The following CFAP36 variants were observed in gnomAD, a reference collection of about 807,000 sequenced individuals.
The protein encoded by CFAP36 is cilia- and flagella-associated protein 36.
A neutral mutation model predicts 50.5 loss-of-function variants in CFAP36; 37 were observed. That is an observed-to-expected ratio of 0.73 (90% CI 0.56 to 0.96). The LOEUF is 0.96. CFAP36 is among the 50% of genes least tolerant of loss of function. The pLI, the probability that CFAP36 is intolerant of heterozygous loss-of-function variation, is 0.00. For missense variants in CFAP36, 407 were observed against 396.2 expected (o/e 1.03, Z -0.23); for synonymous variants, 138 against 128.2 (o/e 1.08, Z -0.52).
At chr2:55,540,029 A>G (rs1306336659) in intron 7 of CFAP36, among the ~76,000 whole-genome samples, 2 of 152,160 alleles carry the variant, frequency 1.3e-5, no homozygotes, top group African/African-American at 4.8e-5. Context: ...TATATTTTGA[A>G]TAACAGTCCT....
chr2:55,536,615 TA>T (rs1684495570), intron 6 of CFAP36, among the ~76,000 whole-genome samples: 1 of 151,846 alleles, frequency 6.6e-6, no homozygotes, highest in South Asian at 2.1e-4. Context: ...CACGCCCAGC[TA>T]ATTTTTTGTA....
chr2:55,533,708 A>ATAT (rs60588706), intron 4 of CFAP36, among the ~76,000 whole-genome samples, 165 bp from the exon 5 acceptor site: 36 of 138,828 alleles, frequency 2.6e-4, no homozygotes, highest in Admixed American at 4.3e-4. Context: ...AAAAAAAAAA[A>ATAT]ATATATATAT....
chr2:55,532,143 A>C (rs1262162897), intron 4 of CFAP36, among the ~76,000 whole-genome samples: 2 of 151,926 alleles, frequency 1.3e-5, no homozygotes. Context: ...TTGAGGCTGC[A>C]GTGAGCTATG....
In CFAP36 at chr2:55,523,712, T is replaced by C; in HGVS notation, c.181-9T>C. ...ATGTAATTATAAAAGTTAAACTTTG[T>C]TTTTTTAGGTTGAAAAGCTGTTAGA... On this transcript the variant is annotated splice_polypyrimidine_tract_variant and intron_variant, in intron 2 of 9. Coordinates refer to ENST00000349456, the MANE Select transcript of CFAP36 (RefSeq NM_080667.7). The C allele has an allele frequency of 1.3e-6, 2 of 1,556,686 alleles. No individual in the cohort carries two copies. Among genetic ancestry groups the C allele is most frequent in the South Asian group, 1.2e-5 (1 of 84,958 alleles).
At chr2:55,544,695 T>C (rs955795418) in intron 9 of CFAP36, among the ~76,000 whole-genome samples, 6 of 152,274 alleles carry the variant, frequency 3.9e-5, no homozygotes, top group African/African-American at 4.8e-5. Context: ...GTACCACCTT[T>C]ATCATAGAGC....
At position 55,523,953 on chromosome 2, in the gene CFAP36, C is replaced by T. The variant is rs531823017; in HGVS notation, c.282+131C>T. ...CATTGTGAGAGGTAGAAAGATAATT[C>T]ATCACATATGAGTTCTTTTTGAGAG... is the stretch of plus-strand genomic sequence containing the variant. On this transcript the variant is annotated intron_variant, in intron 3 of 9. Transcript: ENST00000349456. 14 of 554,590 alleles carry T rather than the reference C, an allele frequency of 2.5e-5. No individual in the cohort carries two copies. The South Asian group carries it at 5.6e-4, about 22-fold the overall frequency. 34.4% of individuals were successfully genotyped at this position (554,590 alleles called of 1,614,324 possible).
intron 7 of CFAP36, among the ~76,000 whole-genome samples, chr2:55,542,138 C>T (rs1684653653): frequency 6.6e-6 from 1 of 152,148 alleles, no homozygotes; most frequent in Admixed American, 6.6e-5. Flanking sequence ...GTTTTATATA[C>T]ACCTAAGTAC....
chr2:55,530,803 G>A (rs12987272), intron 4 of CFAP36, among the ~76,000 whole-genome samples: 16,353 of 151,958 alleles, frequency 0.11, 1,093 homozygotes, highest in East Asian at 0.24. Flanking sequence ...TTTTTACCAC[G>A]GCCCATAACC....
At chr2:55,539,024 A>G in intron 7 of CFAP36, 4 of 976,426 alleles carry the variant, frequency 4.1e-6, no homozygotes, top group Non-Finnish European at 5.5e-6. Context: ...TCCCCCATAT[A>G]GTCCCTGCCC....
chr2:55,522,277 T>G (rs1197422773), intron 2 of CFAP36, 111 bp downstream of exon 2: 4 of 601,146 alleles, frequency 6.7e-6, no homozygotes, highest in Non-Finnish European at 1.1e-5. Context: ...TTTACAAAAA[T>G]CCAATCTACC....
intron 4 of CFAP36, among the ~76,000 whole-genome samples, chr2:55,533,610 G>A (rs901941337): frequency 4.0e-5 from 6 of 151,434 alleles, no homozygotes; most frequent in African/African-American, 1.2e-4. Flanking sequence ...CAGGAGAATC[G>A]CTTGAAGCTG....
At chr2:55,536,753 C>T (rs760027688) in intron 6 of CFAP36, among the ~76,000 whole-genome samples, 83 of 149,092 alleles carry the variant, frequency 5.6e-4, no homozygotes, top group Non-Finnish European at 1.0e-3. Context: ...AAAGTATATA[C>T]TTTTTTTTTG....
chr2:55,520,690 A>G (rs576637486), intron 1 of CFAP36, among the ~76,000 whole-genome samples: 42 of 152,342 alleles, frequency 2.8e-4, no homozygotes, highest in Non-Finnish European at 3.2e-4. Context: ...AAACCACGTC[A>G]TATAAATGAG....
rs1684416245 is a variant in CFAP36 at position 55,533,926 on chromosome 2, C to G, written c.451C>G (p.His151Asp). Residue 151 changes from histidine (H) to aspartate (D), a missense_variant, in exon 5 of 10, where the codon CAC becomes GAC. Coordinates refer to ENST00000349456, the MANE Select transcript of CFAP36 (RefSeq NM_080667.7). ...CTCTGATGTGGTCAGTGACCTTGAA[C>G]ACGAAGAGATGAAAATCCTGAGGGA... ...DGSDVVSDLE[H>D]EEMKILREVL... 1 of 1,610,894 alleles carries G rather than the reference C, an allele frequency of 6.2e-7. No homozygotes were observed. Among genetic ancestry groups the G allele is most frequent in the Non-Finnish European group, 8.5e-7 (1 of 1,178,128 alleles).
Position 55,519,724 on chromosome 2 carries a change from G to T in CFAP36, c.-78G>T. ...CCAGCTCTTCCCCTACTCCCTCTCG[G>T]CTCCTTGTGGCCCAAAGGCCTAACC... On this transcript the variant is annotated 5_prime_UTR_variant, in exon 1 of 10. Coordinates refer to ENST00000349456, the MANE Select transcript of CFAP36 (RefSeq NM_080667.7). The T allele has an allele frequency of 7.0e-7, 1 of 1,421,010 alleles. No homozygotes were observed. Among genetic ancestry groups the T allele is most frequent in the East Asian group, 2.3e-5 (1 of 43,900 alleles). 88.0% of individuals were successfully genotyped at this position (1,421,010 alleles called of 1,614,324 possible).
At chr2:55,523,917 A>T in intron 3 of CFAP36, 95 bp downstream of exon 3, 1 of 755,090 alleles carries the variant, frequency 1.3e-6, no homozygotes, top group Non-Finnish European at 2.1e-6. Flanking sequence ...GACAAAGTGT[A>T]ATATTTTAGA....
rs949359133 is a variant in CFAP36, at chr2:55,541,829, T to TA, written c.641-2107dup. On this transcript the variant is annotated intron_variant, in intron 7 of 9. Coordinates refer to ENST00000349456, the MANE Select transcript of CFAP36 (RefSeq NM_080667.7). ...AATTTCTCACCATTAAGTATTGTGT[T>TA]AAGTTTTAGAGTTTTTCGTACTCTT... Among the ~76,000 whole-genome samples, 6 of 93,934 alleles carry TA rather than the reference T, an allele frequency of 6.4e-5. 1 individual carries two copies. The highest frequency in any genetic ancestry group is 6.3e-4 in the Admixed American group (5 of 7,952). 61.6% of individuals were successfully genotyped at this position (93,934 alleles called of 152,430 possible).
chr2:55,537,511 C>A lies in CFAP36; in HGVS notation c.566C>A (p.Thr189Lys). 1 of 1,612,840 alleles carries A rather than the reference C, an allele frequency of 6.2e-7. No homozygotes were observed. The highest frequency in any genetic ancestry group is 8.5e-7 in the Non-Finnish European group (1 of 1,179,514). ...TCAGAGGCTAAAACAGAAGAGCCCA[C>A]AGTGCATTCCAGTGAAGCTGCAATA... ...QLSEAKTEEPTVHSSEAAIMN... is the reference protein window; with the variant it reads ...QLSEAKTEEPKVHSSEAAIMN... The change falls in exon 7 of 10, where the codon ACA (threonine) becomes AAA (lysine). Residue 189 changes from threonine to lysine, a missense_variant. By Grantham distance (78) the Thr-to-Lys change is moderately conservative. Coordinates refer to ENST00000349456, the MANE Select transcript of CFAP36 (RefSeq NM_080667.7).
chr2:55,544,213 G>T lies in CFAP36; in HGVS notation c.778-7G>T. The stretch of plus-strand genomic sequence containing the variant: ...ATTTAGATAGCTCCTTTTCTTACTT[G>T]ACCCAGAACTTATCAGTACTTGGAA... On this transcript the variant is annotated splice_region_variant and splice_polypyrimidine_tract_variant and intron_variant, in intron 8 of 9. Transcript: ENST00000349456. 2 of 1,608,368 alleles carry T rather than the reference G, an allele frequency of 1.2e-6. No homozygotes were observed. The highest frequency in any genetic ancestry group is 2.2e-5 in the South Asian group (2 of 89,638).
Sources: gnomAD v4.1 joint callset for allele counts (sites outside exome capture counted in the v4.1 genomes callset) on GRCh38, gnomAD v4.1.1 for gene constraint, MANE v1.5 for transcripts, NCBI Gene and HGNC (gene_info 2026-07-23, HGNC 2026-07-21) for gene names.